Variants in GAS7 observed in about 807,000 individuals in gnomAD.
GAS7 encodes growth arrest-specific protein 7.
GAS7 carries 28 observed loss-of-function variants against 71.1 expected under a neutral mutation model. The observed-to-expected ratio is 0.39, with a 90% confidence interval of 0.29 to 0.54. The LOEUF is 0.54. Among genes scored for constraint, GAS7 ranks in the 20% least tolerant of loss-of-function variants. The probability of loss-of-function intolerance (pLI) is 0.62; values close to 1 mark genes in which losing one functional copy is unlikely to be tolerated. For synonymous variants in GAS7, 258 were observed against 245.8 expected (o/e 1.05, Z -0.46); for missense variants, 436 against 627.8 (o/e 0.69, Z 3.27).
rs1216110130 is a variant in GAS7, at chr17:10,026,175, C to T, written c.184-6278G>A. The T allele has an allele frequency of 5.1e-6, 5 of 985,270 alleles. No individual in the cohort carries two copies. Among genetic ancestry groups the T allele is most frequent in the Non-Finnish European group, 3.6e-6 (3 of 829,948 alleles). The allele number at this position is 985,270 out of a possible 1,614,324, so 61.0% of individuals were successfully genotyped here. ...CTTATCCTAAAGCCGTGAGCAAACG[C>T]TACTCGCTGGTGTTAATGGGTGGTC... is the stretch of plus-strand genomic sequence containing the variant. On this transcript the variant is annotated intron_variant, in intron 1 of 13. Coordinates refer to ENST00000432992, the MANE Select transcript of GAS7 (RefSeq NM_201433.2). The surrounding 1 kb of genome is among the most constrained non-coding windows in gnomAD (Gnocchi z 4.5).
At position 9,974,484 on chromosome 17, in the gene GAS7, A is replaced by G. The variant is rs1282230902; in HGVS notation, c.386-4722T>C. ...TGAAATTGGTCAAGGATCGCTCATA[A>G]AGGGAACATAATTCAGTCTGGAGAT... On this transcript the variant is annotated intron_variant, in intron 3 of 13. Coordinates refer to ENST00000432992, the MANE Select transcript of GAS7 (RefSeq NM_201433.2). The surrounding 1 kb of genome is among the most constrained non-coding windows in gnomAD (Gnocchi z 4.0). 2.0e-5 allele frequency among the ~76,000 whole-genome samples: 3 copies of G among 152,144 alleles called. No homozygotes were observed. Among genetic ancestry groups the G allele is most frequent in the African/African-American group, 2.4e-5 (1 of 41,408 alleles).
intron 1 of GAS7, among the ~76,000 whole-genome samples, chr17:10,094,133 A>G (rs1354534896): frequency 2.0e-5 from 3 of 152,226 alleles, no homozygotes; most frequent in Admixed American, 1.3e-4. Context: ...TGGGTTACAG[A>G]CTGCTAATCG....
intron 1 of GAS7, among the ~76,000 whole-genome samples, chr17:10,049,391 T>C (rs1327354619): frequency 6.6e-6 from 1 of 152,056 alleles, no homozygotes; most frequent in Non-Finnish European, 1.5e-5. Context: ...GCTTTAGAAA[T>C]CAAAGTATGC....
At chr17:10,138,114 C>G (rs2074053634) in intron 1 of GAS7, among the ~76,000 whole-genome samples, 1 of 152,036 alleles carries the variant, frequency 6.6e-6, no homozygotes, top group African/African-American at 2.4e-5. Flanking sequence ...AGGCGCCCAC[C>G]ACAGCGCCCA....
intron 1 of GAS7, among the ~76,000 whole-genome samples, chr17:10,143,849 C>A (rs923440858): frequency 6.6e-6 from 1 of 152,220 alleles, no homozygotes; most frequent in Non-Finnish European, 1.5e-5. Context: ...CCCTAGCAAA[C>A]TCACACGTGT....
At chr17:10,012,762 G>A (rs1022394301) in intron 2 of GAS7, among the ~76,000 whole-genome samples, 2 of 152,092 alleles carry the variant, frequency 1.3e-5, no homozygotes, top group African/African-American at 4.8e-5. Context: ...CTTTTAGGAG[G>A]TGACTAAGTC....
chr17:10,198,270 C>G lies in GAS7; in HGVS notation c.121G>C (p.Glu41Gln), dbSNP rs1453485213. 4 of 1,606,568 alleles carry G rather than the reference C, an allele frequency of 2.5e-6. No individual in the cohort carries two copies. Among genetic ancestry groups the G allele is most frequent in the Non-Finnish European group, 3.4e-6 (4 of 1,179,512 alleles). ...LLQVPDGGWW[E>Q]GEKEDGLRGW... Reference sequence around the variant, plus strand: ...CGGAGCCCGTCCTCCTTCTCGCCTTCCCACCAGCCGCCGTCCGGGACCTGC... The same window carrying G: ...CGGAGCCCGTCCTCCTTCTCGCCTTGCCACCAGCCGCCGTCCGGGACCTGC... Residue 41 changes from glutamate (E) to glutamine (Q), a missense_variant, in exon 1 of 14, where the codon GAA becomes CAA. By Grantham distance (29) the Glu-to-Gln change is conservative. Coordinates refer to ENST00000432992, the MANE Select transcript of GAS7 (RefSeq NM_201433.2).
At chr17:10,122,787 C>G (rs1275508549) in intron 1 of GAS7, among the ~76,000 whole-genome samples, 1 of 152,146 alleles carries the variant, frequency 6.6e-6, no homozygotes, top group South Asian at 2.1e-4. Context: ...GGCTGGGAGA[C>G]CCCATGTTTA....
intron 8 of GAS7, among the ~76,000 whole-genome samples, chr17:9,937,461 T>C (rs188571939): frequency 2.0e-4 from 31 of 152,346 alleles, no homozygotes; most frequent in Middle Eastern, 3.4e-3. Context: ...TGCTCCTCTA[T>C]GTGCCCCCTT....
intron 1 of GAS7, among the ~76,000 whole-genome samples, chr17:10,062,627 C>T (rs139269365): frequency 1.3e-5 from 2 of 152,324 alleles, no homozygotes; most frequent in African/African-American, 4.8e-5. Flanking sequence ...AGAAACCACA[C>T]GAACACAGTG....
intron 11 of GAS7, among the ~76,000 whole-genome samples, chr17:9,924,478 T>C (rs1023845087): frequency 6.6e-5 from 10 of 151,998 alleles, no homozygotes; most frequent in Admixed American, 1.3e-4. Context: ...GGCCTATAAG[T>C]TATTTTTTTA....
intron 1 of GAS7, among the ~76,000 whole-genome samples, chr17:10,024,309 A>G (rs1007984743): frequency 2.0e-5 from 3 of 152,086 alleles, no homozygotes; most frequent in African/African-American, 7.2e-5. Context: ...AGTGTGCATA[A>G]CCACCCAATA....
At chr17:10,149,960 G>A (rs1434593409) in intron 1 of GAS7, among the ~76,000 whole-genome samples, 6 of 152,140 alleles carry the variant, frequency 3.9e-5, no homozygotes, top group African/African-American at 1.2e-4. Context: ...GAGATGGGGT[G>A]AATGGGGAGT....
chr17:10,044,229 A>G (rs573906271), intron 1 of GAS7, among the ~76,000 whole-genome samples: 5 of 152,206 alleles, frequency 3.3e-5, no homozygotes, highest in Non-Finnish European at 7.3e-5. Flanking sequence ...AAAAATACAT[A>G]GAACAGTGAG....
chr17:9,990,051 T>A (rs1469918230), intron 2 of GAS7, among the ~76,000 whole-genome samples: 1 of 151,926 alleles, frequency 6.6e-6, no homozygotes, highest in African/African-American at 2.4e-5. Flanking sequence ...GGACGGATCA[T>A]GAGGTCAGGA....
chr17:10,080,290 A>G (rs1174023737), intron 1 of GAS7, among the ~76,000 whole-genome samples: 1 of 152,138 alleles, frequency 6.6e-6, no homozygotes, highest in African/African-American at 2.4e-5. Context: ...AAGTTACCCT[A>G]TATGGTCTAT....
At chr17:10,066,274 G>A (rs946902165) in intron 1 of GAS7, among the ~76,000 whole-genome samples, 6 of 152,152 alleles carry the variant, frequency 3.9e-5, no homozygotes, top group African/African-American at 9.7e-5. Context: ...TCCGCCTCCC[G>A]GGTTCAAGCG....
At chr17:10,114,728 ACACACT>A (rs920736109) in intron 1 of GAS7, among the ~76,000 whole-genome samples, 4 of 130,924 alleles carry the variant, frequency 3.1e-5, no homozygotes, top group East Asian at 2.1e-4. Flanking sequence ...ACACACACAC[ACACACT>A]GTGTTGTGTG....
intron 1 of GAS7, among the ~76,000 whole-genome samples, chr17:10,097,078 C>T (rs773222660): frequency 2.0e-5 from 3 of 152,240 alleles, no homozygotes; most frequent in Non-Finnish European, 2.9e-5. Context: ...TGTCTCTGTG[C>T]CTTTGCCCAC....
Sources: gnomAD v4.1 joint callset for allele counts (sites outside exome capture counted in the v4.1 genomes callset) on GRCh38, gnomAD v4.1.1 for gene constraint, Gnocchi (gnomAD v3.1) non-coding constraint, MANE v1.5 for transcripts, NCBI Gene and HGNC (gene_info 2026-07-23, HGNC 2026-07-21) for gene names.